The following DCHS2 variants were observed in gnomAD, a reference collection of about 807,000 sequenced individuals.
DCHS2 encodes protocadherin-23.
DCHS2 carries 142 observed loss-of-function variants against 182.4 expected under a neutral mutation model. That is an observed-to-expected ratio of 0.78 (90% CI 0.68 to 0.89). The LOEUF (loss-of-function observed/expected upper bound fraction) is 0.89. Ranked by LOEUF, DCHS2 falls within the 40% of genes least tolerant of loss-of-function variation. DCHS2 has a pLI of 0.00. For synonymous variants in DCHS2, 1,740 were observed against 1,663.3 expected (o/e 1.05, Z -1.12); for missense variants, 4,319 against 4,198.6 (o/e 1.03, Z -0.79).
At chr4:154,404,893 C>A (rs1370885654) in intron 1 of DCHS2, among the ~76,000 whole-genome samples, 2 of 152,192 alleles carry the variant, frequency 1.3e-5, no homozygotes, top group African/African-American at 4.8e-5. Flanking sequence ...TTCCCTGCTA[C>A]ATAATGTGTT....
At chr4:154,290,176 A>C (rs1734587928) in intron 13 of DCHS2, among the ~76,000 whole-genome samples, 1 of 152,106 alleles carries the variant, frequency 6.6e-6, no homozygotes, top group Non-Finnish European at 1.5e-5. Context: ...GAAACGAGAA[A>C]GTAATCTCAT....
At chr4:154,367,398 T>C (rs2110775487) in intron 2 of DCHS2, among the ~76,000 whole-genome samples, 1 of 152,246 alleles carries the variant, frequency 6.6e-6, no homozygotes, top group African/African-American at 2.4e-5. Flanking sequence ...TCATCCCAGA[T>C]CCTGGGGGCC....
At chr4:154,261,010 A>G (rs1181335791) in intron 14 of DCHS2, among the ~76,000 whole-genome samples, 1 of 152,160 alleles carries the variant, frequency 6.6e-6, no homozygotes. Context: ...TCCACTTTAC[A>G]ATAAAATTTC....
At position 154,320,987 on chromosome 4, in the gene DCHS2, G is replaced by T. The variant is rs774677154; in HGVS notation, c.4412C>A (p.Thr1471Lys). 3.1e-6 allele frequency: 5 copies of T among 1,613,982 alleles called. No individual in the cohort carries two copies. The highest frequency in any genetic ancestry group is 4.2e-6 in the Non-Finnish European group (5 of 1,179,954). The change falls in exon 9 of 20, where the codon ACG (threonine) becomes AAG (lysine). Residue 1471 changes from threonine (T) to lysine (K), a missense_variant. Physicochemically the swap from Thr to Lys is moderately conservative, Grantham distance 78. Coordinates refer to ENST00000357232, the MANE Select transcript of DCHS2 (RefSeq NM_001358235.2). ...CACTCTGAAAAGATAATGAGATGTC[G>T]TCTCATAATCAAGTTCCTTAGAAAG... ...LFLSKELDYE[T>K]TSHYLFRVIT...
chr4:154,438,681 A>T (rs1733878760), intron 1 of DCHS2, among the ~76,000 whole-genome samples: 1 of 152,218 alleles, frequency 6.6e-6, no homozygotes, highest in Non-Finnish European at 1.5e-5. Context: ...AAAATTTAAT[A>T]GTTCTCTTTC....
intron 14 of DCHS2, among the ~76,000 whole-genome samples, chr4:154,260,397 G>T (rs1236772026): frequency 1.3e-5 from 2 of 152,054 alleles, no homozygotes; most frequent in Non-Finnish European, 2.9e-5. Flanking sequence ...CCCCATTACT[G>T]CTGCCTTCCT....
intron 15 of DCHS2, among the ~76,000 whole-genome samples, chr4:154,257,161 T>C (rs1275877078): frequency 1.3e-5 from 2 of 152,102 alleles, no homozygotes; most frequent in African/African-American, 4.8e-5. Flanking sequence ...GGCAGGAGAA[T>C]TGCTTGTACC....
At chr4:154,337,569 T>C (rs72723343) in intron 3 of DCHS2, among the ~76,000 whole-genome samples, 57 of 152,232 alleles carry the variant, frequency 3.7e-4, no homozygotes, top group Non-Finnish European at 7.1e-4. Context: ...CCCCATCTCA[T>C]AGCTCTCTGT....
chr4:154,259,725 A>G lies in DCHS2; in HGVS notation c.6609T>C (p.Leu2203=). The change falls in exon 15 of 20, where the codon CTT becomes CTC. Residue 2203 remains leucine (L), a synonymous_variant. Transcript: ENST00000357232. The part of the protein sequence containing the change: ...GQLTVKEPKF[L]DFEVRNEVQL... ...GAACCTCATTTCTGACTTCAAAATC[A>G]AGAAACTTGGGTTCTTTCACAGTGA... 1 of 1,614,032 alleles carries G rather than the reference A, an allele frequency of 6.2e-7. No homozygotes were observed. Among genetic ancestry groups the G allele is most frequent in the Non-Finnish European group, 8.5e-7 (1 of 1,179,964 alleles).
intron 7 of DCHS2, among the ~76,000 whole-genome samples, chr4:154,325,458 A>T (rs1317231174): frequency 6.6e-6 from 1 of 151,992 alleles, no homozygotes; most frequent in Non-Finnish European, 1.5e-5. Flanking sequence ...GATCTTATTG[A>T]CCTAACTGAC....
chr4:154,251,348 C>T (rs151159931), intron 16 of DCHS2, among the ~76,000 whole-genome samples: 178 of 152,254 alleles, frequency 1.2e-3, no homozygotes, highest in Middle Eastern at 3.4e-3. Flanking sequence ...GTACTAGCTT[C>T]GGATTCTTGG....
intron 1 of DCHS2, among the ~76,000 whole-genome samples, chr4:154,456,747 C>T (rs1734784330): frequency 6.6e-6 from 1 of 152,062 alleles, no homozygotes; most frequent in Non-Finnish European, 1.5e-5. Flanking sequence ...TGAGTCAGAG[C>T]TATAGGTAAA....
intron 1 of DCHS2, among the ~76,000 whole-genome samples, chr4:154,392,433 T>C (rs1186602416): frequency 1.3e-5 from 2 of 152,034 alleles, no homozygotes; most frequent in East Asian, 1.9e-4. Context: ...TTTAAAAAAA[T>C]ATATAATGAA....
At chr4:154,342,266 T>C (rs1200824570) in intron 3 of DCHS2, among the ~76,000 whole-genome samples, 4 of 152,172 alleles carry the variant, frequency 2.6e-5, no homozygotes, top group African/African-American at 9.7e-5. Context: ...GGTAATCTTC[T>C]TGCTGGTGGA....
chr4:154,399,853 G>A (rs1000627380), intron 1 of DCHS2, among the ~76,000 whole-genome samples: 1 of 152,190 alleles, frequency 6.6e-6, no homozygotes, highest in African/African-American at 2.4e-5. Flanking sequence ...GGATCCCTCT[G>A]GGAGCAAACG....
intron 1 of DCHS2, among the ~76,000 whole-genome samples, chr4:154,399,929 C>A (rs985004000): frequency 1.3e-5 from 2 of 152,136 alleles, no homozygotes; most frequent in Admixed American, 1.3e-4. Context: ...TAGGGCATTT[C>A]GCTCTGTTCA....
intron 1 of DCHS2, among the ~76,000 whole-genome samples, chr4:154,463,958 G>A (rs1338536509): frequency 6.6e-6 from 1 of 151,974 alleles, no homozygotes; most frequent in Non-Finnish European, 1.5e-5. Context: ...AATATTCAAA[G>A]AGATAGAATA....
intron 2 of DCHS2, among the ~76,000 whole-genome samples, chr4:154,372,824 T>C (rs921166061): frequency 6.6e-6 from 1 of 152,128 alleles, no homozygotes; most frequent in African/African-American, 2.4e-5. Context: ...AGAAGTAATA[T>C]CAGTAGAGTA....
intron 7 of DCHS2, among the ~76,000 whole-genome samples, chr4:154,324,523 T>C (rs1561042622): frequency 6.6e-6 from 1 of 152,210 alleles, no homozygotes; most frequent in Non-Finnish European, 1.5e-5. Flanking sequence ...TGCACACATC[T>C]ATACATTCAT....
Sources: allele counts gnomAD v4.1 joint callset (sites outside exome capture counted in the v4.1 genomes callset), GRCh38; gene constraint gnomAD v4.1.1; transcripts MANE v1.5; gene names NCBI Gene and HGNC (gene_info 2026-07-23, HGNC 2026-07-21).